The following TMBIM6 variants were observed in gnomAD, a reference collection of about 807,000 sequenced individuals.
TMBIM6 encodes transmembrane BAX inhibitor motif containing 6.
A neutral mutation model predicts 31.4 loss-of-function variants in TMBIM6; 13 were observed. The observed-to-expected ratio is 0.41, with a 90% CI of 0.27 to 0.66. TMBIM6 has a LOEUF of 0.66. Ranked by LOEUF, TMBIM6 falls within the 30% of genes least tolerant of loss-of-function variation. TMBIM6 has a pLI of 0.28. For missense variants in TMBIM6, 275 were observed against 289.5 expected, an observed-to-expected ratio of 0.95 and a Z score of 0.36; for synonymous variants, 85 against 101.7, an observed-to-expected ratio of 0.84 and a Z score of 0.99.
At chr12:49,742,285 G>A (rs375083969) in intron 1 of TMBIM6, 21 of 1,582,466 alleles carry the variant, frequency 1.3e-5, no homozygotes, top group African/African-American at 2.7e-5. Context: ...GGGCAGGTGA[G>A]GTGGCTTTGC....
Position 49,755,661 on chromosome 12 carries a change from C to A in TMBIM6, c.192C>A (p.Ser64=). The A allele has an allele frequency of 6.2e-7, 1 of 1,614,036 alleles. No homozygotes were observed. Among genetic ancestry groups the A allele is most frequent in the Non-Finnish European group, 8.5e-7 (1 of 1,179,992 alleles). The change falls in exon 4 of 10, where the codon TCC becomes TCA. Residue 64 remains serine, a synonymous_variant. Transcript: ENST00000267115. ...IQAGLLSALG[S]LILMIWLMAT... is the part of the protein sequence containing the mutation. ...CTGGCCTGCTGTCTGCCTTGGGCTC[C>A]CTGATATTGATGATTTGGCTGATGG...
At chr12:49,753,568 TTGGTCAGCA>T (rs1484594562) in intron 3 of TMBIM6, among the ~76,000 whole-genome samples, 1 of 152,152 alleles carries the variant, frequency 6.6e-6, no homozygotes, top group Non-Finnish European at 1.5e-5. Context: ...GAATCTGGGT[TTGGTCAGCA>T]GGAGTAGAAG....
intron 1 of TMBIM6, 142 bp from the exon 2 acceptor site, chr12:49,752,316 CATAAAA>C: frequency 3.9e-6 from 2 of 509,448 alleles, no homozygotes; most frequent in Non-Finnish European, 3.4e-6. Context: ...TTGTAGGACA[CATAAAA>C]ATAAAAATGG....
chr12:49,756,735 T>C (rs1023488143), intron 4 of TMBIM6, among the ~76,000 whole-genome samples: 1 of 140,202 alleles, frequency 7.1e-6, no homozygotes, highest in Non-Finnish European at 1.5e-5. Flanking sequence ...CTTTTTTTTG[T>C]TTTTTTGTTT....
Position 49,763,377 on chromosome 12 carries a change from TCAAA to T in TMBIM6, c.*482_*485del, listed in dbSNP as rs1159119303. On this transcript the variant is annotated 3_prime_UTR_variant, in exon 10 of 10. Transcript: ENST00000267115. ...CAGTGGTCCCATTGTTAACTCAGCCTCAAATCTCAACTGTCAGGCCCTACAAAGA... is the reference window on the plus strand; with the variant it reads ...CAGTGGTCCCATTGTTAACTCAGCCTTCTCAACTGTCAGGCCCTACAAAGA... 6.5e-6 allele frequency: 1 copy of T among 153,784 alleles called. No homozygotes were observed. Among genetic ancestry groups the T allele is most frequent in the African/African-American group, 2.4e-5 (1 of 41,478 alleles). 9.5% of individuals were successfully genotyped at this position (153,784 alleles called of 1,614,324 possible).
In TMBIM6 at chr12:49,753,013, A is replaced by G. The variant is rs1403445260; in HGVS notation, c.97A>G (p.Ser33Gly). The G allele has an allele frequency of 1.2e-6, 2 of 1,614,070 alleles. No individual in the cohort carries two copies. The highest frequency in any genetic ancestry group is 4.5e-5 in the East Asian group (2 of 44,868). ...TQQHLKKVYASFALCMFVAAA... is the reference protein window; with the variant it reads ...TQQHLKKVYAGFALCMFVAAA... ...GCAGCACCTGAAGAAGGTCTATGCAAGTTTTGCCCTTTGTATGTTTGTGGC... is the reference window on the plus strand; with the variant it reads ...GCAGCACCTGAAGAAGGTCTATGCAGGTTTTGCCCTTTGTATGTTTGTGGC... The change falls in exon 3 of 10, where the codon AGT (serine) becomes GGT (glycine). Residue 33 changes from serine (S) to glycine (G), a missense_variant. Transcript: ENST00000267115.
In TMBIM6 at chr12:49,763,862, G is replaced by C. The variant is rs961564671; in HGVS notation, c.*966G>C. 2.0e-5 allele frequency: 3 copies of C among 152,278 alleles called. 1 individual carries two copies. Among genetic ancestry groups the C allele is most frequent in the Admixed American group, 1.3e-4 (2 of 15,284 alleles). The allele number at this position is 152,278 out of a possible 1,614,324, so 9.4% of individuals were successfully genotyped here. On this transcript the variant is annotated 3_prime_UTR_variant, in exon 10 of 10. Coordinates refer to ENST00000267115, the MANE Select transcript of TMBIM6 (RefSeq NM_003217.3). Reference sequence around the variant, plus strand: ...AAGGACCTGTTTGGGGCAGCAGGGAGCAAAATCTCCTTTAACAACCAAGCA... The same window carrying C: ...AAGGACCTGTTTGGGGCAGCAGGGACCAAAATCTCCTTTAACAACCAAGCA...
chr12:49,744,475 T>C (rs1375304959), intron 1 of TMBIM6: 1 of 152,174 alleles, frequency 6.6e-6, no homozygotes, highest in Non-Finnish European at 1.5e-5. Flanking sequence ...TTTCCAAAGA[T>C]GGTGTTCGAG....
At chr12:49,750,401 C>T (rs933619076) in intron 1 of TMBIM6, among the ~76,000 whole-genome samples, 3 of 152,158 alleles carry the variant, frequency 2.0e-5, no homozygotes, top group South Asian at 2.1e-4. Context: ...CTGAAAGTTG[C>T]TTCAGTATTA....
intron 1 of TMBIM6, among the ~76,000 whole-genome samples, chr12:49,743,093 C>T (rs1945328314): frequency 6.6e-6 from 1 of 151,012 alleles, no homozygotes; most frequent in African/African-American, 2.4e-5. Flanking sequence ...TTAGGTGATC[C>T]ACCCCAGCCT....
chr12:49,755,686 G>A lies in TMBIM6; in HGVS notation c.217G>A (p.Ala73Thr). The part of the protein sequence containing the change: ...GSLILMIWLM[A>T]TPHSHETEQK... ...CCTGATATTGATGATTTGGCTGATG[G>A]CAACACCTCATAGCCATGAAACTGA... The change falls in exon 4 of 10, where the codon GCA becomes ACA. Residue 73 changes from alanine to threonine, a missense_variant. By Grantham distance (58) the Ala-to-Thr change is moderately conservative. Transcript: ENST00000267115. The A allele has an allele frequency of 6.2e-7, 1 of 1,614,142 alleles. No individual in the cohort carries two copies. Among genetic ancestry groups the A allele is most frequent in the Non-Finnish European group, 8.5e-7 (1 of 1,180,008 alleles).
In TMBIM6 at chr12:49,764,245, GGTT is replaced by G. The variant is rs1363725692; in HGVS notation, c.*1352_*1354del. ...CCCCAGAAGGGTCAATGTTGGGAGT[GGTT>G]GTGGCTCTGAGCTGCTCTACAGAGC... On this transcript the variant is annotated 3_prime_UTR_variant, in exon 10 of 10. Coordinates refer to ENST00000267115, the MANE Select transcript of TMBIM6 (RefSeq NM_003217.3). 2.0e-5 allele frequency: 3 copies of G among 152,232 alleles called. No individual in the cohort carries two copies. Among genetic ancestry groups the G allele is most frequent in the African/African-American group, 7.2e-5 (3 of 41,496 alleles). 9.4% of individuals were successfully genotyped at this position (152,232 alleles called of 1,614,324 possible). A position where few individuals can be genotyped will look rare whatever the true frequency, so the allele number is the denominator to read the frequency against.
chr12:49,747,167 T>G (rs1438095586), intron 1 of TMBIM6, among the ~76,000 whole-genome samples: 4 of 152,128 alleles, frequency 2.6e-5, no homozygotes, highest in Non-Finnish European at 4.4e-5. Flanking sequence ...ATATGGGATT[T>G]TTCTTCTAAG....
intron 3 of TMBIM6, among the ~76,000 whole-genome samples, chr12:49,754,722 G>A (rs1042530500): frequency 9.2e-5 from 14 of 152,058 alleles, no homozygotes; most frequent in Non-Finnish European, 2.1e-4. Context: ...TTTTTCTAAT[G>A]CCTATAGTTT....
intron 2 of TMBIM6, among the ~76,000 whole-genome samples, 166 bp downstream of exon 2, chr12:49,752,715 T>C (rs1439745242): frequency 1.3e-5 from 2 of 152,232 alleles, no homozygotes; most frequent in Non-Finnish European, 2.9e-5. Flanking sequence ...TGTGTGGTTA[T>C]TGGAAAGGCA....
rs111230811 is a variant in TMBIM6, at chr12:49,743,244, GT to G, written c.-31+1643del. Among the ~76,000 whole-genome samples, 6 of 146,650 alleles carry G rather than the reference GT, an allele frequency of 4.1e-5. 1 individual carries two copies. Among genetic ancestry groups the G allele is most frequent in the East Asian group, 2.0e-4 (1 of 5,060 alleles). ...TTTATTTATTTATTATTATTATTAT[GT>G]TTTTTTTTTGAGACAGTCTCACTCC... On this transcript the variant is annotated intron_variant, in intron 1 of 9. Coordinates refer to ENST00000267115, the MANE Select transcript of TMBIM6 (RefSeq NM_003217.3).
intron 9 of TMBIM6, 162 bp downstream of exon 9, chr12:49,761,941 G>A: frequency 5.0e-5 from 31 of 615,064 alleles, no homozygotes; most frequent in South Asian, 1.7e-4. Context: ...TCAGTTGTTA[G>A]AAAAAAAGCA....
At chr12:49,747,040 G>A (rs1945408301) in intron 1 of TMBIM6, among the ~76,000 whole-genome samples, 1 of 152,046 alleles carries the variant, frequency 6.6e-6, no homozygotes, top group African/African-American at 2.4e-5. Flanking sequence ...GTGTCACCAT[G>A]TTGGCCAGGT....
At chr12:49,762,502 ATGGT>A (rs1166768458) in intron 9 of TMBIM6, among the ~76,000 whole-genome samples, 3 of 152,136 alleles carry the variant, frequency 2.0e-5, no homozygotes, top group Non-Finnish European at 2.9e-5. Flanking sequence ...CTCGCGCCTA[ATGGT>A]TGGTTGGTGG....
Sources: allele counts gnomAD v4.1 joint callset (sites outside exome capture counted in the v4.1 genomes callset), GRCh38; gene constraint gnomAD v4.1.1; transcripts MANE v1.5; gene names NCBI Gene and HGNC (gene_info 2026-07-23, HGNC 2026-07-21).